Variants in SETD1B observed in about 807,000 individuals in gnomAD.
SETD1B encodes the protein SET domain containing 1B, histone lysine methyltransferase, also known as histone-lysine N-methyltransferase SETD1B.
SETD1B carries 7 observed loss-of-function variants against 148.0 expected under a neutral mutation model. The observed-to-expected ratio is 0.05, with a 90% CI of 0.03 to 0.09. The LOEUF is 0.09. SETD1B is among the 10% of genes least tolerant of loss of function. SETD1B has a pLI of 1.00. For synonymous variants in SETD1B, 1,361 were observed against 1,186.5 expected (o/e 1.15, Z -3.02); for missense variants, 2,155 against 2,729.9 (o/e 0.79, Z 4.69).
In SETD1B at chr12:121,804,701, G is replaced by A. The variant is rs947860996; in HGVS notation, c.-14-23G>A. ...CCGCCGCCGCCGCCGCGGCGGAGACGACAACAACTTGCTGGTTTTCAGGTT... is the reference window on the plus strand; with the variant it reads ...CCGCCGCCGCCGCCGCGGCGGAGACAACAACAACTTGCTGGTTTTCAGGTT... On this transcript the variant is annotated intron_variant, in intron 1 of 16. Transcript: ENST00000604567. This position sits in a 1 kb window ranked among gnomAD's most constrained non-coding sequence, Gnocchi z 4.6. 1.3e-6 allele frequency: 2 copies of A among 1,543,210 alleles called. No individual in the cohort carries two copies.
Position 121,832,202 on chromosome 12 carries a change from ACCCTTGCCTCACCCCTCC to A in SETD1B, c.*1968_*1985del, listed in dbSNP as rs563436899. ...GGTGTTCGAGAAGACCAGGGAAGGG[ACCCTTGCCTCACCCCTCC>A]CCCTGGCCTCACCTTGCTCCCAGCC... On this transcript the variant is annotated 3_prime_UTR_variant, in exon 17 of 17. Transcript: ENST00000604567. 1 of 152,166 alleles carries A rather than the reference ACCCTTGCCTCACCCCTCC, an allele frequency of 6.6e-6. No homozygotes were observed. Among genetic ancestry groups the A allele is most frequent in the Non-Finnish European group, 1.5e-5 (1 of 68,142 alleles). The allele number at this position is 152,166 out of a possible 1,614,324, so 9.4% of individuals were successfully genotyped here. A position where few individuals can be genotyped will look rare whatever the true frequency, so the allele number is the denominator to read the frequency against.
At position 121,826,063 on chromosome 12, in the gene SETD1B, A is replaced by G. The variant is rs201178416; in HGVS notation, c.5337+697A>G. On this transcript the variant is annotated intron_variant, in intron 13 of 16. Transcript: ENST00000604567. The stretch of plus-strand genomic sequence containing the variant: ...ATCCTATTCCTCGTGGAATTTAATT[A>G]TTTATTTTTATTTTTAAATTAAAAA... Among the ~76,000 whole-genome samples, 34 of 151,620 alleles carry G rather than the reference A, an allele frequency of 2.2e-4. No individual in the cohort carries two copies. The East Asian group carries it at 4.4e-3, about 20-fold the overall frequency.
chr12:121,790,493 G>A, the SETD1B span, among the ~76,000 whole-genome samples: 7 of 152,166 alleles, frequency 4.6e-5, no homozygotes, highest in Non-Finnish European at 1.0e-4. Context: ...TCCGGCATTC[G>A]GATCCACTAC....
At chr12:121,825,882 G>C (rs868530792) in intron 13 of SETD1B, among the ~76,000 whole-genome samples, 19 of 152,196 alleles carry the variant, frequency 1.2e-4, no homozygotes, top group Middle Eastern at 3.4e-3. Context: ...CTGACCTCAA[G>C]TAATTCGCCT....
the SETD1B span, chr12:121,797,881 G>A: frequency 6.9e-5 from 23 of 334,100 alleles, no homozygotes; most frequent in African/African-American, 4.1e-4. Flanking sequence ...AGGTGCTTTC[G>A]CCCTCTTGCT....
chr12:121,828,195 C>A, intron 16 of SETD1B, 125 bp downstream of exon 16: 1 of 1,309,560 alleles, frequency 7.6e-7, no homozygotes, highest in Non-Finnish European at 1.0e-6. Context: ...TCAGGTTGGC[C>A]AAGGGTTATA....
At chr12:121,823,892 G>A in intron 12 of SETD1B, 143 bp downstream of exon 12, 6 of 1,253,076 alleles carry the variant, frequency 4.8e-6, no homozygotes, top group Non-Finnish European at 6.4e-6. Context: ...TCCCAAGCAG[G>A]GTTTGTGTCC....
rs1237523212 is a variant in SETD1B, at chr12:121,819,671, G to T, written c.3686G>T (p.Gly1229Val). 13 of 1,551,396 alleles carry T rather than the reference G, an allele frequency of 8.4e-6. No individual in the cohort carries two copies. Among genetic ancestry groups the T allele is most frequent in the Non-Finnish European group, 1.1e-5 (13 of 1,147,020 alleles). ...APGAPAVDSL[G>V]MEEEVDIETE... ...GGGGCACCTGCAGTGGACTCGTTGGGCATGGAAGAGGAGGTGGACATCGAG... is the reference window on the plus strand; with the variant it reads ...GGGGCACCTGCAGTGGACTCGTTGGTCATGGAAGAGGAGGTGGACATCGAG... The change falls in exon 11 of 17, where the codon GGC (glycine) becomes GTC (valine). Residue 1229 changes from glycine (G) to valine (V), a missense_variant. Coordinates refer to ENST00000604567, the MANE Select transcript of SETD1B (RefSeq NM_001353345.2).
In SETD1B at chr12:121,814,181, T is replaced by C; in HGVS notation, c.1966T>C (p.Cys656Arg). 6.5e-7 allele frequency: 1 copy of C among 1,545,778 alleles called. No homozygotes were observed. Among genetic ancestry groups the C allele is most frequent in the Non-Finnish European group, 8.7e-7 (1 of 1,146,116 alleles). ...MPSAPITSAD[C>R]PKPMVVTPGA... ...CTCGGCCCCCATCACCAGCGCTGAC[T>C]GCCCCAAGCCCATGGTGGTGACCCC... is the stretch of plus-strand genomic sequence containing the variant. Residue 656 changes from cysteine (C) to arginine (R), a missense_variant, in exon 7 of 17, where the codon TGC becomes CGC. By Grantham distance (180) the Cys-to-Arg change is radical. This residue lies in a region of SETD1B where 295 missense variants were observed against 303.8 expected (regional missense o/e 0.97). Transcript: ENST00000604567.
chr12:121,819,544 G>A lies in SETD1B; in HGVS notation c.3559G>A (p.Glu1187Lys), dbSNP rs777333299. ...GGAGGAGGTAGTGGCCAGGGAAGAG[G>A]AGGAAGAAGAGGAGGAGGAGGAGAT... Reference protein sequence around the residue: ...DEEEVVAREEEEEEEEEEMVA... With the variant: ...DEEEVVAREEKEEEEEEEMVA... The change falls in exon 11 of 17, where the codon GAG becomes AAG. Residue 1187 changes from glutamate to lysine, a missense_variant. Physicochemically the swap from Glu to Lys is moderately conservative, Grantham distance 56 (BLOSUM62 1). Coordinates refer to ENST00000604567, the MANE Select transcript of SETD1B (RefSeq NM_001353345.2). 25 of 1,551,536 alleles carry A rather than the reference G, an allele frequency of 1.6e-5. No homozygotes were observed. The highest frequency in any genetic ancestry group is 2.4e-5 in the South Asian group (2 of 84,050).
chr12:121,793,561 C>G, the SETD1B span: 1 of 1,551,526 alleles, frequency 6.4e-7, no homozygotes, highest in Non-Finnish European at 8.7e-7. Context: ...CCGTCGCCCA[C>G]GATCACGATC....
chr12:121,813,781 C>T (rs1876151047), intron 6 of SETD1B, among the ~76,000 whole-genome samples: 1 of 152,176 alleles, frequency 6.6e-6, no homozygotes, highest in Non-Finnish European at 1.5e-5. Flanking sequence ...TTGCCTTTTC[C>T]TGCTGGCTCC....
Position 121,819,253 on chromosome 12 carries a change from A to G in SETD1B, c.3419-151A>G. The G allele has an allele frequency of 5.8e-6, 8 of 1,381,568 alleles. No homozygotes were observed. In the South Asian group the frequency reaches 1.0e-4, roughly 18 times the overall value. The allele number at this position is 1,381,568 out of a possible 1,614,324, so 85.6% of individuals were successfully genotyped here. A position where few individuals can be genotyped will look rare whatever the true frequency, so the allele number is the denominator to read the frequency against. ...GAGCAAAACTCAAAAAAAAGAAAAA[A>G]AAGACTCCTAGTGAACACATGCCCC... is the stretch of plus-strand genomic sequence containing the variant. On this transcript the variant is annotated intron_variant, in intron 10 of 16. Transcript: ENST00000604567.
intron 12 of SETD1B, 103 bp from the exon 13 acceptor site, chr12:121,825,097 C>T (rs1876775405): frequency 8.1e-7 from 1 of 1,230,288 alleles, no homozygotes; most frequent in Non-Finnish European, 1.1e-6. Flanking sequence ...TAGAACTGGA[C>T]ATCGCTGTCC....
chr12:121,816,551 G>A (rs760961009), intron 7 of SETD1B, among the ~76,000 whole-genome samples: 1 of 152,244 alleles, frequency 6.6e-6, no homozygotes, highest in Non-Finnish European at 1.5e-5. Context: ...ACCTTGCAAA[G>A]CTCTTCATGT....
the SETD1B span, chr12:121,797,302 G>A: frequency 3.6e-5 from 14 of 386,134 alleles, no homozygotes; most frequent in Non-Finnish European, 6.1e-5. Context: ...CTCCTGGCCG[G>A]CCCTTCCGCT....
At chr12:121,793,126 G>T in the SETD1B span, 1 of 1,542,610 alleles carries the variant, frequency 6.5e-7, no homozygotes, top group Non-Finnish European at 8.8e-7. Flanking sequence ...GGACCCTCGG[G>T]CCCCCCGGCG....
At chr12:121,829,913 G>A (rs1375529003) in intron 16 of SETD1B, among the ~76,000 whole-genome samples, 153 bp from the exon 17 acceptor site, 1 of 152,008 alleles carries the variant, frequency 6.6e-6, no homozygotes, top group Non-Finnish European at 1.5e-5. Context: ...ACCCCTGGGG[G>A]TCGGGGGAGC....
At chr12:121,800,932 C>T (rs1264471892), upstream of SETD1B, 1 of 152,200 alleles carries the variant, frequency 6.6e-6, no homozygotes, top group Non-Finnish European at 1.5e-5. Flanking sequence ...AGAGCCGCCG[C>T]CATTAGCAAA....
Sources: gnomAD v4.1 joint callset for allele counts (sites outside exome capture counted in the v4.1 genomes callset) on GRCh38, gnomAD v4.1.1 for gene constraint, gnomAD v4.1.1 regional missense constraint, Gnocchi (gnomAD v3.1) non-coding constraint, MANE v1.5 for transcripts, NCBI Gene and HGNC (gene_info 2026-07-23, HGNC 2026-07-21) for gene names.